The following MINDY2 variants were observed in gnomAD, a reference collection of about 807,000 sequenced individuals.
The protein encoded by MINDY2 is MINDY lysine 48 deubiquitinase 2.
In MINDY2, 52 loss-of-function variants were observed where a neutral mutation model predicts 68.2. The ratio of observed to expected loss-of-function variants is 0.76; its 90% CI spans 0.61 to 0.96. The LOEUF (loss-of-function observed/expected upper bound fraction) is 0.96. MINDY2 is among the 40% of genes least tolerant of loss of function. The probability of loss-of-function intolerance (pLI) is 0.00; values close to 1 mark genes in which losing one functional copy is unlikely to be tolerated. For missense variants in MINDY2, 881 were observed against 773.4 expected (o/e 1.14, Z -1.65); for synonymous variants, 372 against 303.0 (o/e 1.23, Z -2.36).
chr15:58,828,626 A>G (rs1328396904), intron 5 of MINDY2, among the ~76,000 whole-genome samples: 1 of 128,278 alleles, frequency 7.8e-6, no homozygotes, highest in African/African-American at 3.1e-5. Flanking sequence ...CAGTGGTGCG[A>G]TCTCGGCTCA....
At chr15:58,826,471 C>A (rs528460022) in intron 5 of MINDY2, among the ~76,000 whole-genome samples, 1 of 152,010 alleles carries the variant, frequency 6.6e-6, no homozygotes, top group Admixed American at 6.6e-5. Flanking sequence ...TCAGGTGATC[C>A]GCCCGCCTTG....
chr15:58,840,533 A>G (rs1359304661), intron 6 of MINDY2, among the ~76,000 whole-genome samples: 5 of 151,864 alleles, frequency 3.3e-5, no homozygotes, highest in African/African-American at 1.2e-4. Context: ...GCTATCATTT[A>G]TATCACTTCT....
In MINDY2 at chr15:58,831,936, A is replaced by G. The variant is rs761928488; in HGVS notation, c.1368+20A>G. On this transcript the variant is annotated intron_variant, in intron 6 of 8. Coordinates refer to ENST00000559228, the MANE Select transcript of MINDY2 (RefSeq NM_001040450.3). ...TACAAGGTATGATATAGAAATAGCT[A>G]TTTAATCGTGATTCTAAATCAAAGG... 6.3e-7 allele frequency: 1 copy of G among 1,595,702 alleles called. No homozygotes were observed. The highest frequency in any genetic ancestry group is 1.1e-5 in the South Asian group (1 of 87,518).
intron 3 of MINDY2, among the ~76,000 whole-genome samples, chr15:58,804,809 A>G (rs936682864): frequency 2.6e-5 from 4 of 151,920 alleles, no homozygotes; most frequent in African/African-American, 9.7e-5. Flanking sequence ...CTGTTACAAA[A>G]AAAAAAAAGA....
At chr15:58,819,356 A>C (rs539446741) in intron 4 of MINDY2, among the ~76,000 whole-genome samples, 1 of 152,086 alleles carries the variant, frequency 6.6e-6, no homozygotes, top group South Asian at 2.1e-4. Flanking sequence ...GCTGAGGTGG[A>C]AGGATTGCTT....
chr15:58,828,527 C>G (rs2031537588), intron 5 of MINDY2, among the ~76,000 whole-genome samples: 1 of 151,490 alleles, frequency 6.6e-6, no homozygotes, highest in Non-Finnish European at 1.5e-5. Flanking sequence ...TAATAACTGT[C>G]CAGTAACAGA....
chr15:58,806,018 G>A (rs1902981199), intron 3 of MINDY2, among the ~76,000 whole-genome samples: 1 of 152,216 alleles, frequency 6.6e-6, no homozygotes, highest in Admixed American at 6.5e-5. Context: ...AGGTTGCAGT[G>A]AGCCGAGATC....
intron 3 of MINDY2, among the ~76,000 whole-genome samples, chr15:58,809,977 A>G (rs560266969): frequency 1.3e-5 from 2 of 152,284 alleles, no homozygotes; most frequent in South Asian, 4.1e-4. Context: ...GGGTTTCACC[A>G]TGTTGGCCAG....
rs1567079858 is a variant in MINDY2, at chr15:58,852,972, A to ATTTTTTTTTTTTTTT, written c.1737+1007_1737+1008insTTTTTTTTTTTTTTT. Among the ~76,000 whole-genome samples the ATTTTTTTTTTTTTTT allele has an allele frequency of 3.1e-3, 54 of 17,266 alleles. 20 individuals carry two copies. Among genetic ancestry groups the ATTTTTTTTTTTTTTT allele is most frequent in the Middle Eastern group, 0.17 (1 of 6 alleles). The allele number at this position is 17,266 out of a possible 152,430, so 11.3% of individuals were successfully genotyped here. On this transcript the variant is annotated intron_variant, in intron 8 of 8. Coordinates refer to ENST00000559228, the MANE Select transcript of MINDY2 (RefSeq NM_001040450.3). ...TTTTTTTTTTTTTTTTTTTTTTTTA[A>ATTTTTTTTTTTTTTT]GACAGAGTCTCACTCTGTTGCCCAG...
chr15:58,793,149 A>G (rs1182548795), intron 2 of MINDY2, among the ~76,000 whole-genome samples: 1 of 152,168 alleles, frequency 6.6e-6, no homozygotes, highest in Non-Finnish European at 1.5e-5. Context: ...GAAGACCAAA[A>G]TGTTCTAAAA....
chr15:58,850,372 A>C (rs2032754740), intron 7 of MINDY2, among the ~76,000 whole-genome samples: 1 of 152,218 alleles, frequency 6.6e-6, no homozygotes, highest in African/African-American at 2.4e-5. Context: ...CTAAGTGGAA[A>C]AGAAAACATT....
intron 4 of MINDY2, among the ~76,000 whole-genome samples, chr15:58,811,264 C>A (rs961098576): frequency 6.6e-6 from 1 of 152,202 alleles, no homozygotes; most frequent in Non-Finnish European, 1.5e-5. Flanking sequence ...TAAAAAGGCA[C>A]CCCCATATAT....
At chr15:58,846,961 A>G (rs1213708704) in intron 6 of MINDY2, among the ~76,000 whole-genome samples, 1 of 152,120 alleles carries the variant, frequency 6.6e-6, no homozygotes, top group African/African-American at 2.4e-5. Context: ...TTGTGACTGT[A>G]ATGTATTTTT....
At chr15:58,788,522 TC>T (rs1180585478) in intron 2 of MINDY2, among the ~76,000 whole-genome samples, 1 of 152,236 alleles carries the variant, frequency 6.6e-6, no homozygotes, top group Non-Finnish European at 1.5e-5. Flanking sequence ...TGCATTCTTC[TC>T]TAAGCTTCTT....
intron 5 of MINDY2, among the ~76,000 whole-genome samples, chr15:58,827,848 G>A (rs1345936592): frequency 6.6e-6 from 1 of 152,144 alleles, no homozygotes; most frequent in Non-Finnish European, 1.5e-5. Flanking sequence ...GTTGGGTCTT[G>A]TGTTCTTTTG....
At chr15:58,798,857 T>C (rs1902453940) in intron 2 of MINDY2, among the ~76,000 whole-genome samples, 1 of 152,200 alleles carries the variant, frequency 6.6e-6, no homozygotes, top group Non-Finnish European at 1.5e-5. Context: ...CACGAAAATG[T>C]CAGCATGGGA....
Position 58,855,980 on chromosome 15 carries a change from T to A in MINDY2, c.*1370T>A, listed in dbSNP as rs1473438278. The A allele has an allele frequency of 6.6e-6, 1 of 152,590 alleles. No homozygotes were observed. Among genetic ancestry groups the A allele is most frequent in the Non-Finnish European group, 1.5e-5 (1 of 68,020 alleles). 9.5% of individuals were successfully genotyped at this position (152,590 alleles called of 1,614,324 possible). ...TGTAAAAGCAATCAGAGTTTTTAAT[T>A]TATGGGAACCAAATAAAACTATAAC... On this transcript the variant is annotated 3_prime_UTR_variant, in exon 9 of 9. Coordinates refer to ENST00000559228, the MANE Select transcript of MINDY2 (RefSeq NM_001040450.3).
At chr15:58,787,164 T>TA (rs1901561966) in intron 1 of MINDY2, among the ~76,000 whole-genome samples, 5 of 145,510 alleles carry the variant, frequency 3.4e-5, no homozygotes, top group Middle Eastern at 3.7e-3. Flanking sequence ...TTTTTTTTTT[T>TA]ACTCTGTTGC....
At chr15:58,834,191 CTCAAGGCA>C (rs2031883201) in intron 6 of MINDY2, among the ~76,000 whole-genome samples, 1 of 152,142 alleles carries the variant, frequency 6.6e-6, no homozygotes, top group African/African-American at 2.4e-5. Flanking sequence ...TTAACAGCAT[CTCAAGGCA>C]GAAGAATTTT....
Sources: allele counts gnomAD v4.1 joint callset (sites outside exome capture counted in the v4.1 genomes callset), GRCh38; gene constraint gnomAD v4.1.1; transcripts MANE v1.5; gene names NCBI Gene and HGNC (gene_info 2026-07-23, HGNC 2026-07-21).